Variants in PDE4D observed in about 807,000 individuals in gnomAD.
PDE4D encodes 3',5'-cyclic-AMP phosphodiesterase 4D.
PDE4D carries 24 observed loss-of-function variants against 87.4 expected under a neutral mutation model. The ratio of observed to expected loss-of-function variants is 0.27; its 90% CI spans 0.20 to 0.39. The LOEUF is 0.39. PDE4D is among the 10% of genes least tolerant of loss of function. The pLI, the probability that PDE4D is intolerant of heterozygous loss-of-function variation, is 1.00. For synonymous variants in PDE4D, 384 were observed against 383.2 expected (o/e 1.00, Z -0.02); for missense variants, 714 against 1,041.0 (o/e 0.69, Z 4.32).
intron 1 of PDE4D, among the ~76,000 whole-genome samples, chr5:60,347,257 C>G (rs1758814296): frequency 6.6e-6 from 1 of 152,050 alleles, no homozygotes; most frequent in East Asian, 1.9e-4. Context: ...CAGGAATGAG[C>G]TCCATTAGTT....
chr5:59,470,020 T>C (rs1018304200), intron 1 of PDE4D, among the ~76,000 whole-genome samples: 1 of 152,094 alleles, frequency 6.6e-6, no homozygotes, highest in Non-Finnish European at 1.5e-5. Context: ...CAAGATAGCA[T>C]CTCTGGAGGT....
At chr5:59,252,437 G>T (rs1162812951) in intron 1 of PDE4D, among the ~76,000 whole-genome samples, 1 of 152,080 alleles carries the variant, frequency 6.6e-6, no homozygotes, top group Non-Finnish European at 1.5e-5. Flanking sequence ...CTAACCAGGT[G>T]TGTAATTGTT....
At chr5:58,987,270 G>A (rs946365271) in intron 11 of PDE4D, among the ~76,000 whole-genome samples, 1 of 152,102 alleles carries the variant, frequency 6.6e-6, no homozygotes, top group Non-Finnish European at 1.5e-5. Flanking sequence ...CATTATAGGT[G>A]CTCATAGGTA....
intron 1 of PDE4D, among the ~76,000 whole-genome samples, chr5:59,498,184 T>C (rs1182222740): frequency 6.6e-6 from 1 of 151,454 alleles, no homozygotes; most frequent in African/African-American, 2.4e-5. Flanking sequence ...GTTCTAAACA[T>C]GAAAACAAAA....
intron 2 of PDE4D, among the ~76,000 whole-genome samples, chr5:60,027,536 C>A (rs1473063198): frequency 6.6e-6 from 1 of 152,160 alleles, no homozygotes; most frequent in Non-Finnish European, 1.5e-5. Flanking sequence ...ATCATCTCAT[C>A]ACTATGTTTT....
intron 1 of PDE4D, among the ~76,000 whole-genome samples, chr5:59,344,221 G>C (rs1779253131): frequency 2.0e-5 from 3 of 152,120 alleles, no homozygotes; most frequent in African/African-American, 7.2e-5. Context: ...GTAGTTCTTA[G>C]TATAACCAAG....
At chr5:59,417,582 A>C (rs1249484549) in intron 1 of PDE4D, among the ~76,000 whole-genome samples, 1 of 151,968 alleles carries the variant, frequency 6.6e-6, no homozygotes, top group Non-Finnish European at 1.5e-5. Flanking sequence ...AAAATGATAG[A>C]GCACTCAAGC....
At chr5:60,410,429 G>A (rs974507411) in intron 1 of PDE4D, among the ~76,000 whole-genome samples, 1 of 152,084 alleles carries the variant, frequency 6.6e-6, no homozygotes, top group African/African-American at 2.4e-5. Flanking sequence ...CCTTTTCCTA[G>A]AGACAGAGCA....
At chr5:58,980,752 C>T (rs1273851803) in intron 11 of PDE4D, among the ~76,000 whole-genome samples, 1 of 152,116 alleles carries the variant, frequency 6.6e-6, no homozygotes, top group African/African-American at 2.4e-5. Context: ...CTAATCTTTT[C>T]TCTCTCTGTA....
At chr5:59,166,586 A>G (rs983664575) in intron 5 of PDE4D, among the ~76,000 whole-genome samples, 5 of 152,172 alleles carry the variant, frequency 3.3e-5, no homozygotes, top group Non-Finnish European at 5.9e-5. Flanking sequence ...TATTCCACAC[A>G]TTGCCATCAT....
At chr5:60,092,585 AAG>A (rs1554152568) in intron 2 of PDE4D, among the ~76,000 whole-genome samples, 1 of 151,932 alleles carries the variant, frequency 6.6e-6, no homozygotes, top group African/African-American at 2.4e-5. Flanking sequence ...TCAATAAAAA[AAG>A]AGAGAATGGA....
chr5:59,242,884 G>C (rs1757964981), intron 1 of PDE4D, among the ~76,000 whole-genome samples: 2 of 152,104 alleles, frequency 1.3e-5, no homozygotes, highest in African/African-American at 4.8e-5. Flanking sequence ...CGTTATACTG[G>C]CTTTTCTCAC....
chr5:59,890,254 TACACACACACACACACAC>T (rs56258601), intron 1 of PDE4D, among the ~76,000 whole-genome samples: 17 of 145,458 alleles, frequency 1.2e-4, no homozygotes, highest in African/African-American at 3.5e-4. Context: ...GGTGCGCACG[TACACACACACACACACAC>T]ACACACACAC....
intron 1 of PDE4D, among the ~76,000 whole-genome samples, chr5:59,802,875 A>T (rs1767309260): frequency 6.6e-6 from 1 of 152,208 alleles, no homozygotes; most frequent in African/African-American, 2.4e-5. Flanking sequence ...GCAGGGATAT[A>T]GACAAATAGT....
chr5:59,653,388 G>T (rs1743849329), intron 1 of PDE4D, among the ~76,000 whole-genome samples: 1 of 152,032 alleles, frequency 6.6e-6, no homozygotes, highest in South Asian at 2.1e-4. Flanking sequence ...ATTTTTAGTA[G>T]AGATGGGGTT....
At chr5:60,073,960 T>G (rs921954987) in intron 2 of PDE4D, among the ~76,000 whole-genome samples, 2 of 151,978 alleles carry the variant, frequency 1.3e-5, no homozygotes, top group African/African-American at 4.8e-5. Context: ...GTCTTATTAA[T>G]TTTTCAAAAA....
In PDE4D at chr5:59,189,255, T is replaced by TG. The variant is rs1213225909; in HGVS notation, c.685-3994_685-3993insC. Among the ~76,000 whole-genome samples the TG allele has an allele frequency of 6.9e-3, 906 of 131,000 alleles. 33 individuals are homozygous for TG. The highest frequency in any genetic ancestry group is 0.023 in the African/African-American group (865 of 36,880). The allele number at this position is 131,000 out of a possible 152,430, so 85.9% of individuals were successfully genotyped here. A position where few individuals can be genotyped will look rare whatever the true frequency, so the allele number is the denominator to read the frequency against. On this transcript the variant is annotated intron_variant, in intron 3 of 14. Coordinates refer to ENST00000340635, the MANE Select transcript of PDE4D (RefSeq NM_001104631.2). The stretch of plus-strand genomic sequence containing the variant: ...CCGTTTTTTTTTTTGTTTTTTTTGT[T>TG]TTTTTTTTTTTGAGACGGAGTTTTG...
At chr5:60,460,058 C>A in intron 1 of PDE4D, 1 of 1,569,494 alleles carries the variant, frequency 6.4e-7, no homozygotes, top group Non-Finnish European at 8.7e-7. Flanking sequence ...TCTTTGGTGA[C>A]CTCTCATAAC....
At chr5:59,863,173 G>A (rs1746526847) in intron 1 of PDE4D, among the ~76,000 whole-genome samples, 1 of 152,050 alleles carries the variant, frequency 6.6e-6, no homozygotes, top group Admixed American at 6.6e-5. Context: ...TAACTTGAAT[G>A]ACATCAAATG....
Sources: gnomAD v4.1 joint callset for allele counts (sites outside exome capture counted in the v4.1 genomes callset) on GRCh38, gnomAD v4.1.1 for gene constraint, MANE v1.5 for transcripts, NCBI Gene and HGNC (gene_info 2026-07-23, HGNC 2026-07-21) for gene names.